Variants in CCDC125 observed in about 807,000 individuals in gnomAD.
CCDC125 encodes coiled-coil domain containing 125.
A neutral mutation model predicts 57.4 loss-of-function variants in CCDC125; 43 were observed. The ratio of observed to expected loss-of-function variants is 0.75; its 90% CI spans 0.59 to 0.97. The LOEUF (loss-of-function observed/expected upper bound fraction) is 0.97. Ranked by LOEUF, CCDC125 falls within the 50% of genes least tolerant of loss-of-function variation. CCDC125 has a pLI of 0.00. For missense variants in CCDC125, 563 were observed against 595.7 expected, an observed-to-expected ratio of 0.95 and a Z score of 0.57; for synonymous variants, 187 against 195.2, an observed-to-expected ratio of 0.96 and a Z score of 0.35.
Position 69,313,304 on chromosome 5 carries a change from G to A in CCDC125, c.366+681C>T, listed in dbSNP as rs1038696205. Reference sequence around the variant, plus strand: ...GCCCCTCCTATCTGGCAGGAAGGGGGCAGCCTGCAACCCCCGAGGACAGGT... The same window carrying A: ...GCCCCTCCTATCTGGCAGGAAGGGGACAGCCTGCAACCCCCGAGGACAGGT... On this transcript the variant is annotated intron_variant, in intron 3 of 11. Coordinates refer to ENST00000396496, the MANE Select transcript of CCDC125 (RefSeq NM_176816.5). 12 of 710,784 alleles carry A rather than the reference G, an allele frequency of 1.7e-5. 1 individual carries two copies. The highest frequency in any genetic ancestry group is 1.1e-4 in the African/African-American group (6 of 55,912). The allele number at this position is 710,784 out of a possible 1,614,324, so 44.0% of individuals were successfully genotyped here.
At chr5:69,327,542 G>T (rs1239636984) in intron 1 of CCDC125, among the ~76,000 whole-genome samples, 2 of 152,228 alleles carry the variant, frequency 1.3e-5, no homozygotes, top group Non-Finnish European at 2.9e-5. Flanking sequence ...CAGGGTTGAT[G>T]ACCAGGGAAG....
At chr5:69,275,777 A>C (rs1237969294), downstream of CCDC125, among the ~76,000 whole-genome samples, 1 of 152,166 alleles carries the variant, frequency 6.6e-6, no homozygotes, top group Admixed American at 6.5e-5. Context: ...AGTTCAAGAC[A>C]AGCCTGGCCA....
rs747039213 is a variant in CCDC125 at position 69,320,498 on chromosome 5, G to A, written c.43C>T (p.Leu15Phe). ...ARSSSESDVQ[L>F]WETEEDDMTE... ...ATGTCATCCTCTTCTGTTTCCCAGA[G>A]CTGCACGTCTGACTCACTTGATGAT... is the stretch of plus-strand genomic sequence containing the variant. Residue 15 changes from leucine to phenylalanine, a missense_variant, in exon 2 of 12, where the codon CTC (leucine) becomes TTC (phenylalanine). By Grantham distance (22) the Leu-to-Phe change is conservative. Coordinates refer to ENST00000396496, the MANE Select transcript of CCDC125 (RefSeq NM_176816.5). 6.2e-7 allele frequency: 1 copy of A among 1,613,406 alleles called. No individual in the cohort carries two copies. The highest frequency in any genetic ancestry group is 1.1e-5 in the South Asian group (1 of 91,052).
chr5:69,321,892 G>A (rs942899354), intron 1 of CCDC125, among the ~76,000 whole-genome samples: 2 of 151,726 alleles, frequency 1.3e-5, no homozygotes, highest in African/African-American at 4.8e-5. Context: ...GCTAGAGTGT[G>A]GTGGCGCAAT....
chr5:69,276,495 A>G, downstream of CCDC125: 1 of 1,567,140 alleles, frequency 6.4e-7, no homozygotes, highest in Non-Finnish European at 8.8e-7. Flanking sequence ...TCCTTAACAC[A>G]TTTCAGATAC....
chr5:69,295,340 C>T (rs575397232), intron 8 of CCDC125, among the ~76,000 whole-genome samples: 3 of 151,898 alleles, frequency 2.0e-5, no homozygotes, highest in African/African-American at 4.8e-5. Flanking sequence ...TCAGAAATGA[C>T]GAGGGAATTG....
chr5:69,328,479 AAAAAATAAAAATAAAAT>A (rs1398284307), intron 1 of CCDC125, among the ~76,000 whole-genome samples: 5 of 151,942 alleles, frequency 3.3e-5, no homozygotes. Flanking sequence ...ACCCCATCTC[AAAAAATAAAAATAAAAT>A]AAAAATAAAA....
chr5:69,287,174 A>C (rs1029616587), intron 10 of CCDC125, among the ~76,000 whole-genome samples: 3 of 152,134 alleles, frequency 2.0e-5, no homozygotes, highest in Admixed American at 6.6e-5. Context: ...AAATATACTA[A>C]TAAAATGAAT....
chr5:69,307,634 A>G, intron 5 of CCDC125: 1 of 246,888 alleles, frequency 4.1e-6, no homozygotes. Context: ...GTGAGTAGAG[A>G]TCGCGCCACT....
chr5:69,279,597 A>G (rs1331490450), downstream of CCDC125, among the ~76,000 whole-genome samples: 1 of 152,038 alleles, frequency 6.6e-6, no homozygotes, highest in Non-Finnish European at 1.5e-5. Flanking sequence ...GGAAACTTCC[A>G]TGCCTTTGTC....
chr5:69,324,886 G>A (rs1561187743), intron 1 of CCDC125, among the ~76,000 whole-genome samples: 1 of 152,062 alleles, frequency 6.6e-6, no homozygotes. Context: ...AGCACATACT[G>A]TATGAAATAC....
rs1757741049 is a variant in CCDC125, at chr5:69,308,917, G to A, written c.454-889C>T. 5 of 156,214 alleles carry A rather than the reference G, an allele frequency of 3.2e-5. No individual in the cohort carries two copies. The Admixed American group carries it at 3.3e-4, about 10-fold the overall frequency. 9.7% of individuals were successfully genotyped at this position (156,214 alleles called of 1,614,324 possible). ...GAACTTGTTGGGAACTAGAGTAAAG[G>A]TGACTCTTGTTATGTTTTAGCAAAG... On this transcript the variant is annotated intron_variant, in intron 4 of 11. Transcript: ENST00000396496.
chr5:69,311,037 G>C (rs1392515487), intron 4 of CCDC125, 81 bp downstream of exon 4: 1 of 869,726 alleles, frequency 1.1e-6, no homozygotes, highest in African/African-American at 1.7e-5. Flanking sequence ...AAGTCCTTCT[G>C]CCTTGGTTTT....
chr5:69,320,511 C>T lies in CCDC125; in HGVS notation c.30G>A (p.Glu10=), dbSNP rs773958603. The T allele has an allele frequency of 6.2e-7, 1 of 1,612,710 alleles. No individual in the cohort carries two copies. Among genetic ancestry groups the T allele is most frequent in the Non-Finnish European group, 8.5e-7 (1 of 1,179,446 alleles). Residue 10 remains glutamate (E), a synonymous_variant, in exon 2 of 12, where the codon GAG becomes GAA. Coordinates refer to ENST00000396496, the MANE Select transcript of CCDC125 (RefSeq NM_176816.5). MSKVARSSS[E]SDVQLWETEE... is the part of the protein sequence containing the mutation. ...CTGTTTCCCAGAGCTGCACGTCTGA[C>T]TCACTTGATGATCTTGCCACCTTGC...
At chr5:69,273,277 G>T in the CCDC125 span, among the ~76,000 whole-genome samples, 3 of 151,670 alleles carry the variant, frequency 2.0e-5, no homozygotes, top group Non-Finnish European at 4.4e-5. Flanking sequence ...ACTTGCTTAG[G>T]GACATTTAAA....
chr5:69,307,850 A>G, intron 5 of CCDC125, 101 bp downstream of exon 5: 1 of 838,574 alleles, frequency 1.2e-6, no homozygotes, highest in Non-Finnish European at 2.0e-6. Flanking sequence ...ACCTAGCAGA[A>G]GGTAGGCACA....
chr5:69,329,603 A>G (rs1330466961), intron 1 of CCDC125, among the ~76,000 whole-genome samples: 1 of 150,852 alleles, frequency 6.6e-6, no homozygotes, highest in Non-Finnish European at 1.5e-5. Context: ...TCCTGGGTCA[A>G]GTGATTCTCC....
At position 69,320,251 on chromosome 5, in the gene CCDC125, C is replaced by T. The variant is rs1759809805; in HGVS notation, c.290G>A (p.Arg97Gln). ...AGCATTCTTACCAGTGCTACTTTGT[C>T]GTCTGTAATTGGAAATTCTGGACAC... is the stretch of plus-strand genomic sequence containing the variant. ...PQVSRISNYR[R>Q]QSSTVDSNSE... is the part of the protein sequence containing the mutation. The change falls in exon 2 of 12, where the codon CGA (arginine) becomes CAA (glutamine). Residue 97 changes from arginine to glutamine, a missense_variant. Arg to Gln is a conservative substitution (Grantham distance 43). Transcript: ENST00000396496. 4 of 1,613,088 alleles carry T rather than the reference C, an allele frequency of 2.5e-6. No individual in the cohort carries two copies. The highest frequency in any genetic ancestry group is 2.2e-5 in the East Asian group (1 of 44,890).
chr5:69,325,455 A>G lies in CCDC125; in HGVS notation c.-40-4875T>C, dbSNP rs191698197. Among the ~76,000 whole-genome samples the G allele has an allele frequency of 4.8e-3, 725 of 152,200 alleles. 20 individuals are homozygous for G. Among genetic ancestry groups the G allele is most frequent in the Admixed American group, 0.043 (659 of 15,256 alleles). ...ACTCTGCAAGAAAATACCATTATTAAGTACGAAAATTAAACTGAAGCAGAC... is the reference window on the plus strand; with the variant it reads ...ACTCTGCAAGAAAATACCATTATTAGGTACGAAAATTAAACTGAAGCAGAC... On this transcript the variant is annotated intron_variant, in intron 1 of 11. Coordinates refer to ENST00000396496, the MANE Select transcript of CCDC125 (RefSeq NM_176816.5).
Sources: allele counts gnomAD v4.1 joint callset (sites outside exome capture counted in the v4.1 genomes callset), GRCh38; gene constraint gnomAD v4.1.1; transcripts MANE v1.5; gene names NCBI Gene and HGNC (gene_info 2026-07-23, HGNC 2026-07-21).